Variants in POLR3A observed in about 807,000 individuals in gnomAD.
POLR3A encodes the protein RNA polymerase III subunit A.
A neutral mutation model predicts 152.8 loss-of-function variants in POLR3A; 112 were observed. That is an observed-to-expected ratio of 0.73 (90% CI 0.63 to 0.86). The LOEUF is 0.86. POLR3A is among the 40% of genes least tolerant of loss of function. The probability of loss-of-function intolerance (pLI) is 0.00; values close to 1 mark genes in which losing one functional copy is unlikely to be tolerated. For synonymous variants in POLR3A, 615 were observed against 652.1 expected (o/e 0.94, Z 0.87); for missense variants, 1,385 against 1,743.1 (o/e 0.79, Z 3.66).
At position 77,982,708 on chromosome 10, in the gene POLR3A, T is replaced by C. The variant is rs1847158923; in HGVS notation, c.3539A>G (p.Asn1180Ser). Residue 1180 changes from asparagine (N) to serine (S), a missense_variant, in exon 27 of 31, where the codon AAC becomes AGC. This residue lies in a region of POLR3A where 332 missense variants were observed against 400.1 expected (regional missense o/e 0.83). Transcript: ENST00000372371. ...CACGTAGTACATGGAGCTCTTGCTG[T>C]TCTCTCTGGGGGTGACACACACCAC... ...EAVVCVTPRE[N>S]SKSSMYYVLQ... 1 of 1,613,952 alleles carries C rather than the reference T, an allele frequency of 6.2e-7. No homozygotes were observed. The highest frequency in any genetic ancestry group is 1.7e-5 in the Admixed American group (1 of 60,020).
At chr10:77,979,962 G>A (rs1186711285) in intron 30 of POLR3A, among the ~76,000 whole-genome samples, 179 bp downstream of exon 30, 2 of 152,206 alleles carry the variant, frequency 1.3e-5, no homozygotes, top group Non-Finnish European at 2.9e-5. Context: ...GATGCAGGAT[G>A]CTACAGTCAG....
chr10:77,977,303 G>GAGCTGCACCCTATCAGAGGAGA lies in POLR3A; in HGVS notation c.*153_*174dup. On this transcript the variant is annotated 3_prime_UTR_variant, in exon 31 of 31. Coordinates refer to ENST00000372371, the MANE Select transcript of POLR3A (RefSeq NM_007055.4). Reference sequence around the variant, plus strand: ...GTGGCACAGTCAGGGTCACTGGTGTGAGCTGCACCCTATCAGAGGAGAAGC... The same window carrying GAGCTGCACCCTATCAGAGGAGA: ...GTGGCACAGTCAGGGTCACTGGTGTGAGCTGCACCCTATCAGAGGAGAAGCTGCACCCTATCAGAGGAGAAGC... 1 of 712,880 alleles carries GAGCTGCACCCTATCAGAGGAGA rather than the reference G, an allele frequency of 1.4e-6. No homozygotes were observed. The highest frequency in any genetic ancestry group is 2.5e-5 in the East Asian group (1 of 40,022). The allele number at this position is 712,880 out of a possible 1,614,324, so 44.2% of individuals were successfully genotyped here.
chr10:78,016,872 C>CA (rs201996598), intron 10 of POLR3A, among the ~76,000 whole-genome samples: 1,363 of 79,466 alleles, frequency 0.017, 13 homozygotes, highest in East Asian at 0.049. Context: ...AGACTGTCTC[C>CA]AAAAAAAAAA....
intron 30 of POLR3A, among the ~76,000 whole-genome samples, chr10:77,978,212 G>T (rs1234917311): frequency 6.6e-6 from 1 of 152,178 alleles, no homozygotes; most frequent in Non-Finnish European, 1.5e-5. Context: ...GATCAAGGGG[G>T]TGGTGCAGAT....
At chr10:77,999,883 A>T in intron 19 of POLR3A, 98 bp downstream of exon 19, 1 of 1,229,474 alleles carries the variant, frequency 8.1e-7, no homozygotes. Flanking sequence ...CCAAGACTAG[A>T]TAAATTACAG....
intron 20 of POLR3A, among the ~76,000 whole-genome samples, chr10:77,992,668 C>T (rs1042708770): frequency 6.6e-6 from 1 of 151,860 alleles, no homozygotes; most frequent in Non-Finnish European, 1.5e-5. Context: ...GTCTCGATCT[C>T]TTGATCTTGT....
chr10:77,984,100 T>A, intron 25 of POLR3A, 88 bp from the exon 26 acceptor site: 1 of 1,224,178 alleles, frequency 8.2e-7, no homozygotes, highest in Non-Finnish European at 1.2e-6. Flanking sequence ...AGAGCTTGAG[T>A]AGTGTGGACG....
intron 8 of POLR3A, 78 bp downstream of exon 8, chr10:78,021,468 C>G (rs1847578653): frequency 6.8e-7 from 1 of 1,465,934 alleles, no homozygotes; most frequent in African/African-American, 1.4e-5. Flanking sequence ...TTTCTACTGC[C>G]TGTTGTTTGC....
intron 10 of POLR3A, among the ~76,000 whole-genome samples, chr10:78,017,302 C>T (rs1303379849): frequency 2.0e-5 from 3 of 151,944 alleles, no homozygotes; most frequent in African/African-American, 7.3e-5. Context: ...CCCAAATTAG[C>T]CAGATTTGGT....
intron 19 of POLR3A, among the ~76,000 whole-genome samples, chr10:77,993,814 A>T (rs1057304738): frequency 5.9e-5 from 9 of 152,078 alleles, no homozygotes; most frequent in Non-Finnish European, 8.8e-5. Context: ...ACAGAGGGGG[A>T]AGAAGAGAGA....
At chr10:77,991,960 T>C (rs1393660802) in intron 20 of POLR3A, among the ~76,000 whole-genome samples, 1 of 152,212 alleles carries the variant, frequency 6.6e-6, no homozygotes, top group African/African-American at 2.4e-5. Flanking sequence ...GTAAGCAGCG[T>C]AGAAAAAACA....
intron 19 of POLR3A, among the ~76,000 whole-genome samples, chr10:77,994,762 C>T (rs1393534851): frequency 2.0e-5 from 3 of 152,082 alleles, no homozygotes; most frequent in African/African-American, 2.4e-5. Flanking sequence ...GGAGAACTTC[C>T]CCAATCTAGC....
intron 19 of POLR3A, among the ~76,000 whole-genome samples, chr10:77,996,223 T>C (rs1847298894): frequency 1.3e-5 from 2 of 152,040 alleles, no homozygotes; most frequent in East Asian, 1.9e-4. Flanking sequence ...AGATCTAAAA[T>C]TGACACCCTA....
chr10:77,996,502 T>C (rs1467422188), intron 19 of POLR3A, among the ~76,000 whole-genome samples: 2 of 152,084 alleles, frequency 1.3e-5, no homozygotes, highest in Non-Finnish European at 2.9e-5. Context: ...CCCACAGAAA[T>C]ACAAACTACC....
chr10:77,985,722 G>A (rs771329366), intron 23 of POLR3A, among the ~76,000 whole-genome samples, 181 bp downstream of exon 23: 4 of 152,198 alleles, frequency 2.6e-5, no homozygotes, highest in Non-Finnish European at 5.9e-5. Context: ...AATTATTTCC[G>A]TTATCTTGGA....
chr10:78,010,707 C>T (rs1016036452), intron 11 of POLR3A, among the ~76,000 whole-genome samples, 167 bp from the exon 12 acceptor site: 1 of 152,122 alleles, frequency 6.6e-6, no homozygotes, highest in Non-Finnish European at 1.5e-5. Flanking sequence ...TCACTAACTC[C>T]CAGTTCCTTT....
rs1847089208 is a variant in POLR3A, at chr10:77,976,355, C to T, written c.*1123G>A. On this transcript the variant is annotated 3_prime_UTR_variant, in exon 31 of 31. Transcript: ENST00000372371. The stretch of plus-strand genomic sequence containing the variant: ...ATGTTGCCCAGGCTGCTCTCGAACT[C>T]CTGGGCTCAAGTGATCTGCCCCCCT... 1.3e-5 allele frequency: 2 copies of T among 152,144 alleles called. No individual in the cohort carries two copies. Among genetic ancestry groups the T allele is most frequent in the South Asian group, 4.1e-4 (2 of 4,822 alleles). 9.4% of individuals were successfully genotyped at this position (152,144 alleles called of 1,614,324 possible).
In POLR3A at chr10:77,982,267, C is replaced by T. The variant is rs143679064; in HGVS notation, c.3646G>A (p.Glu1216Lys). 113 of 1,613,700 alleles carry T rather than the reference C, an allele frequency of 7.0e-5. No homozygotes were observed. The highest frequency in any genetic ancestry group is 8.7e-5 in the Non-Finnish European group (103 of 1,179,734). ...EVSRAVIHID[E>K]QSGKEKYKLL... ...TTGTACTTCTCCTTTCCACTCTGCT[C>T]GTCAATGTGGATGACAGCTCTGGAC... Residue 1216 changes from glutamate to lysine, a missense_variant, in exon 28 of 31, where the codon GAG becomes AAG. By Grantham distance (56) the Glu-to-Lys change is moderately conservative. Around this residue, in one of 7 missense-constraint regions of POLR3A, gnomAD observed 332 missense variants for 400.1 expected, o/e 0.83. Coordinates refer to ENST00000372371, the MANE Select transcript of POLR3A (RefSeq NM_007055.4).
At position 78,021,877 on chromosome 10, in the gene POLR3A, C is replaced by T; in HGVS notation, c.1031G>A (p.Arg344His). ...PKKWTRGFVQ[R>H]LKGKQGRFRG... ...AAACCTACCCTGTTTTCCCTTCAGG[C>T]GTTGGACGAAGCCTCTGGTCCACTT... The change falls in exon 7 of 31, where the codon CGC becomes CAC. Residue 344 changes from arginine (R) to histidine (H), a missense_variant. Arg to His is a conservative substitution (Grantham distance 29). Coordinates refer to ENST00000372371, the MANE Select transcript of POLR3A (RefSeq NM_007055.4). The T allele has an allele frequency of 3.7e-6, 6 of 1,613,946 alleles. No individual in the cohort carries two copies. Among genetic ancestry groups the T allele is most frequent in the Non-Finnish European group, 4.2e-6 (5 of 1,180,024 alleles).
Sources: allele counts gnomAD v4.1 joint callset (sites outside exome capture counted in the v4.1 genomes callset), GRCh38; gene constraint gnomAD v4.1.1; regional missense constraint gnomAD v4.1.1; transcripts MANE v1.5; gene names NCBI Gene and HGNC (gene_info 2026-07-23, HGNC 2026-07-21).